Variants in CALN1 observed in about 807,000 individuals in gnomAD.
The protein encoded by CALN1 is calcium-binding protein 8.
CALN1 carries 17 observed loss-of-function variants against 30.6 expected under a neutral mutation model. The observed-to-expected ratio is 0.56, with a 90% CI of 0.38 to 0.83. CALN1 has a LOEUF of 0.83. CALN1 is among the 40% of genes least tolerant of loss of function. CALN1 has a pLI of 0.00. For missense variants in CALN1, 291 were observed against 354.9 expected (o/e 0.82, Z 1.45); for synonymous variants, 156 against 131.4 (o/e 1.19, Z -1.28).
At chr7:72,264,186 A>G (rs1285774510) in intron 3 of CALN1, among the ~76,000 whole-genome samples, 1 of 152,172 alleles carries the variant, frequency 6.6e-6, no homozygotes, top group Non-Finnish European at 1.5e-5. Flanking sequence ...ATGTGAAGGA[A>G]GTCCCTCTGC....
intron 1 of CALN1, among the ~76,000 whole-genome samples, chr7:72,431,858 A>AT (rs1432702130): frequency 6.6e-6 from 1 of 151,844 alleles, no homozygotes; most frequent in Non-Finnish European, 1.5e-5. Flanking sequence ...AAAAAAAAAA[A>AT]AAAACTAAGT....
intron 5 of CALN1, among the ~76,000 whole-genome samples, chr7:71,912,739 TG>T (rs934739624): frequency 1.9e-4 from 29 of 152,232 alleles, no homozygotes; most frequent in Admixed American, 1.7e-3. Context: ...GCCATGGGTT[TG>T]GGGGTTGGGA....
At chr7:71,936,496 A>C (rs1418414757) in intron 5 of CALN1, among the ~76,000 whole-genome samples, 1 of 151,712 alleles carries the variant, frequency 6.6e-6, no homozygotes, top group Admixed American at 6.6e-5. Flanking sequence ...TACTGGAACC[A>C]TCTTCTAGGC....
intron 5 of CALN1, among the ~76,000 whole-genome samples, chr7:71,825,716 T>C (rs903394381): frequency 6.6e-6 from 1 of 151,738 alleles, no homozygotes; most frequent in African/African-American, 2.4e-5. Flanking sequence ...CTGGTAAAGG[T>C]ATTGAGAAAA....
intron 5 of CALN1, among the ~76,000 whole-genome samples, chr7:71,830,033 C>CTTTTTT (rs67629864): frequency 1.5e-5 from 2 of 136,714 alleles, no homozygotes; most frequent in Non-Finnish European, 3.2e-5. Flanking sequence ...GAGTAAGTTC[C>CTTTTTT]TTTTTTTTTT....
At chr7:72,203,355 A>C (rs1791578093) in intron 3 of CALN1, among the ~76,000 whole-genome samples, 1 of 152,146 alleles carries the variant, frequency 6.6e-6, no homozygotes, top group Non-Finnish European at 1.5e-5. Flanking sequence ...AGTAAAATAA[A>C]AAATTAAAAA....
intron 2 of CALN1, among the ~76,000 whole-genome samples, chr7:72,359,376 G>A (rs933907285): frequency 6.6e-6 from 1 of 152,154 alleles, no homozygotes; most frequent in African/African-American, 2.4e-5. Context: ...TACAGGGCAA[G>A]TATTGTAACT....
intron 2 of CALN1, among the ~76,000 whole-genome samples, chr7:72,401,590 G>A (rs531307011): frequency 2.0e-5 from 3 of 152,250 alleles, no homozygotes; most frequent in Admixed American, 2.0e-4. Context: ...AGAAGCACAT[G>A]CCTTGGGAGA....
At chr7:72,208,143 C>G (rs1482723962) in intron 3 of CALN1, among the ~76,000 whole-genome samples, 2 of 152,168 alleles carry the variant, frequency 1.3e-5, no homozygotes, top group Admixed American at 1.3e-4. Context: ...CCTCAGATGG[C>G]ATTCACTTAT....
intron 5 of CALN1, among the ~76,000 whole-genome samples, chr7:71,980,156 C>A (rs895277867): frequency 6.9e-6 from 1 of 145,638 alleles, no homozygotes; most frequent in African/African-American, 2.6e-5. Flanking sequence ...GGATTACGGG[C>A]GTGAGCCACC....
intron 2 of CALN1, among the ~76,000 whole-genome samples, chr7:72,310,968 C>T (rs1414427702): frequency 1.3e-5 from 2 of 150,600 alleles, no homozygotes; most frequent in African/African-American, 4.9e-5. Flanking sequence ...TACGGTGGAT[C>T]CTTAAACAAT....
intron 5 of CALN1, among the ~76,000 whole-genome samples, chr7:72,020,567 TCTGAG>T (rs1436931393): frequency 6.6e-6 from 1 of 152,140 alleles, no homozygotes; most frequent in Non-Finnish European, 1.5e-5. Flanking sequence ...GTCGTAAAAT[TCTGAG>T]CTGGGTGAGC....
intron 2 of CALN1, among the ~76,000 whole-genome samples, chr7:72,335,908 G>A (rs997915853): frequency 1.3e-5 from 2 of 152,188 alleles, no homozygotes; most frequent in Non-Finnish European, 2.9e-5. Context: ...CTGCTGCCTA[G>A]GCGCCCTCGG....
upstream of CALN1, among the ~76,000 whole-genome samples, chr7:72,449,419 C>T: frequency 6.6e-6 from 1 of 152,188 alleles, no homozygotes; most frequent in East Asian, 1.9e-4. Context: ...CTGCACTGGG[C>T]CAGCTCAGAC....
intron 4 of CALN1, among the ~76,000 whole-genome samples, chr7:72,046,614 G>A (rs927725286): frequency 3.3e-5 from 5 of 150,172 alleles, no homozygotes; most frequent in African/African-American, 1.2e-4. Context: ...GGAGGCTGAG[G>A]CAGAAGTATC....
chr7:72,367,432 TG>T (rs1305917543), intron 2 of CALN1, among the ~76,000 whole-genome samples: 2 of 152,122 alleles, frequency 1.3e-5, no homozygotes, highest in African/African-American at 4.8e-5. Flanking sequence ...GAGACCAGCC[TG>T]GGCAACAAAG....
Position 71,974,850 on chromosome 7 carries a change from C to T in CALN1, c.501+48807G>A, listed in dbSNP as rs534584867. 7.9e-5 allele frequency among the ~76,000 whole-genome samples: 12 copies of T among 152,284 alleles called. No individual in the cohort carries two copies. In the South Asian group the frequency reaches 2.1e-3, roughly 26 times the overall value. On this transcript the variant is annotated intron_variant, in intron 5 of 6. Coordinates refer to ENST00000395275, the MANE Select transcript of CALN1 (RefSeq NM_031468.4). ...CTCCGAGGTTGGACTGGTGCAATTC[C>T]GCTCGGATTAGCAATTAGGTTGGAA...
intron 2 of CALN1, among the ~76,000 whole-genome samples, chr7:72,279,977 G>A (rs1797625172): frequency 6.6e-6 from 1 of 152,120 alleles, no homozygotes; most frequent in Non-Finnish European, 1.5e-5. Context: ...CTCAACCTGT[G>A]AAACCCCTGA....
intron 1 of CALN1, among the ~76,000 whole-genome samples, chr7:72,432,014 A>C (rs1807994978): frequency 6.6e-6 from 1 of 152,118 alleles, no homozygotes; most frequent in Non-Finnish European, 1.5e-5. Flanking sequence ...TTATTGCATT[A>C]TGCCATGTCT....
Sources: allele counts gnomAD v4.1 joint callset (sites outside exome capture counted in the v4.1 genomes callset), GRCh38; gene constraint gnomAD v4.1.1; transcripts MANE v1.5; gene names NCBI Gene and HGNC (gene_info 2026-07-23, HGNC 2026-07-21).